Variants in BTRC observed in about 807,000 individuals in gnomAD.
BTRC encodes the protein F-box/WD repeat-containing protein 1A.
Under a neutral mutation model 85.5 loss-of-function variants are expected in BTRC, and 42 were observed. The ratio of observed to expected loss-of-function variants is 0.49; its 90% confidence interval spans 0.38 to 0.64. BTRC has a LOEUF of 0.64. Ranked by LOEUF, BTRC falls within the 30% of genes least tolerant of loss-of-function variation. The pLI is 0.00. For missense variants in BTRC, 594 were observed against 743.5 expected, an observed-to-expected ratio of 0.80 and a Z score of 2.34; for synonymous variants, 255 against 263.3, an observed-to-expected ratio of 0.97 and a Z score of 0.30.
At chr10:101,527,820 A>AC (rs1156570397) in intron 6 of BTRC, among the ~76,000 whole-genome samples, 2 of 151,812 alleles carry the variant, frequency 1.3e-5, no homozygotes, top group Non-Finnish European at 1.5e-5. Flanking sequence ...ACACACACAC[A>AC]AAAGAATATT....
intron 1 of BTRC, among the ~76,000 whole-genome samples, chr10:101,356,402 CAGTT>C (rs1023584401): frequency 3.0e-4 from 45 of 152,328 alleles, no homozygotes; most frequent in African/African-American, 1.0e-3. Flanking sequence ...TTTTTACTCT[CAGTT>C]AGACTTCAGC....
chr10:101,480,679 C>G (rs961465417), intron 4 of BTRC, among the ~76,000 whole-genome samples: 1 of 152,150 alleles, frequency 6.6e-6, no homozygotes, highest in African/African-American at 2.4e-5. Flanking sequence ...ATGCAGTAGT[C>G]TCTGGGCCTG....
chr10:101,534,372 G>A (rs1007553536), intron 9 of BTRC, among the ~76,000 whole-genome samples: 2 of 152,170 alleles, frequency 1.3e-5, no homozygotes, highest in African/African-American at 4.8e-5. Context: ...CATTTAAAAT[G>A]TATCTTACTA....
At chr10:101,545,565 C>A (rs928426654) in intron 13 of BTRC, among the ~76,000 whole-genome samples, 1 of 151,990 alleles carries the variant, frequency 6.6e-6, no homozygotes, top group Admixed American at 6.6e-5. Context: ...TGACTGGTGT[C>A]CTTAAAACAA....
At chr10:101,406,524 CTTTTTTTT>C (rs58902120) in intron 1 of BTRC, among the ~76,000 whole-genome samples, 22 of 50,424 alleles carry the variant, frequency 4.4e-4, no homozygotes, top group African/African-American at 6.3e-4. Context: ...TCTCAGGTTT[CTTTTTTTT>C]TTTTTTTTTT....
chr10:101,387,951 A>G (rs969004009), intron 1 of BTRC, among the ~76,000 whole-genome samples: 2 of 152,062 alleles, frequency 1.3e-5, no homozygotes, highest in Non-Finnish European at 2.9e-5. Context: ...CGGCCTCCCA[A>G]AGTGCTGGGA....
intron 2 of BTRC, among the ~76,000 whole-genome samples, chr10:101,442,446 G>A (rs1589473402): frequency 6.6e-6 from 1 of 152,016 alleles, no homozygotes; most frequent in African/African-American, 2.4e-5. Flanking sequence ...AAAATACAGC[G>A]TGACCTCAGT....
At chr10:101,512,237 T>C (rs2134333926) in intron 4 of BTRC, among the ~76,000 whole-genome samples, 1 of 152,356 alleles carries the variant, frequency 6.6e-6, no homozygotes, top group South Asian at 2.1e-4. Flanking sequence ...AACCCTTGCC[T>C]ATTTTATTCT....
intron 13 of BTRC, among the ~76,000 whole-genome samples, chr10:101,540,068 A>G (rs992924768): frequency 2.0e-5 from 3 of 152,310 alleles, no homozygotes; most frequent in Admixed American, 6.5e-5. Flanking sequence ...CTCCACGTTC[A>G]TAAAATTTGT....
At chr10:101,441,364 C>T (rs1944674273) in intron 2 of BTRC, among the ~76,000 whole-genome samples, 1 of 152,182 alleles carries the variant, frequency 6.6e-6, no homozygotes, top group African/African-American at 2.4e-5. Context: ...ATTTAAACTC[C>T]AGGCTTGCCT....
chr10:101,483,299 TTAAAAC>T (rs199626265), intron 4 of BTRC, among the ~76,000 whole-genome samples: 2,162 of 151,984 alleles, frequency 0.014, 25 homozygotes, highest in Non-Finnish European at 0.022. Flanking sequence ...AAGAAAAAAT[TTAAAAC>T]TAAAAATGGC....
chr10:101,400,425 T>G (rs1199399612), intron 1 of BTRC, among the ~76,000 whole-genome samples: 1 of 151,738 alleles, frequency 6.6e-6, no homozygotes, highest in Non-Finnish European at 1.5e-5. Flanking sequence ...AGTATCGGGA[T>G]CCTTTCATGA....
intron 12 of BTRC, 130 bp downstream of exon 12, chr10:101,536,783 T>C: frequency 1.6e-6 from 1 of 627,808 alleles, no homozygotes; most frequent in South Asian, 2.6e-5. Flanking sequence ...TCTGATACCA[T>C]ATTTCTTTAA....
At position 101,386,886 on chromosome 10, in the gene BTRC, C is replaced by G. The variant is rs1943093067; in HGVS notation, c.48+32658C>G. ...CATGAAAATAGCCTCATATTTTCTA[C>G]TAGAGACTTTTTGAGTTTTGGTTTT... On this transcript the variant is annotated intron_variant, in intron 1 of 14. Coordinates refer to ENST00000370187, the MANE Select transcript of BTRC (RefSeq NM_033637.4). Among the ~76,000 whole-genome samples the G allele has an allele frequency of 2.0e-5, 3 of 152,138 alleles. No individual in the cohort carries two copies. In the South Asian group the frequency reaches 6.2e-4, roughly 32 times the overall value.
chr10:101,472,622 C>T (rs1012040472), intron 3 of BTRC, among the ~76,000 whole-genome samples: 1 of 152,090 alleles, frequency 6.6e-6, no homozygotes, highest in African/African-American at 2.4e-5. Context: ...CGAGACCAGC[C>T]TGGCCAATAT....
rs573729669 is a variant in BTRC at position 101,399,043 on chromosome 10, C to T, written c.49-31302C>T. Reference sequence around the variant, plus strand: ...TCTTGGCTCACTGCAACGTCCGCCTCCTGGGCTCAAGCGATTCTCCTGCAT... The same window carrying T: ...TCTTGGCTCACTGCAACGTCCGCCTTCTGGGCTCAAGCGATTCTCCTGCAT... On this transcript the variant is annotated intron_variant, in intron 1 of 14. Transcript: ENST00000370187. Among the ~76,000 whole-genome samples the T allele has an allele frequency of 1.2e-4, 19 of 152,276 alleles. No individual in the cohort carries two copies. The South Asian group carries it at 2.1e-3, about 17-fold the overall frequency.
intron 9 of BTRC, among the ~76,000 whole-genome samples, chr10:101,533,449 G>GAA (rs2062331599): frequency 6.6e-6 from 1 of 152,124 alleles, no homozygotes; most frequent in Admixed American, 6.6e-5. Flanking sequence ...TATCTCCTTT[G>GAA]AAACATGTAC....
chr10:101,390,288 T>C (rs1943202376), intron 1 of BTRC, among the ~76,000 whole-genome samples: 1 of 151,940 alleles, frequency 6.6e-6, no homozygotes, highest in African/African-American at 2.4e-5. Context: ...ACAATGTTTA[T>C]GGGAATAAAT....
chr10:101,451,864 A>G (rs1467009800), intron 2 of BTRC, among the ~76,000 whole-genome samples: 2 of 152,128 alleles, frequency 1.3e-5, no homozygotes, highest in African/African-American at 4.8e-5. Context: ...TGAGGAGGAG[A>G]TGCTCAGCTG....
Sources: allele counts gnomAD v4.1 joint callset (sites outside exome capture counted in the v4.1 genomes callset), GRCh38; gene constraint gnomAD v4.1.1; transcripts MANE v1.5; gene names NCBI Gene and HGNC (gene_info 2026-07-23, HGNC 2026-07-21).